CNTNAP2: variants seen among roughly 807,000 people sequenced by gnomAD.
CNTNAP2 encodes contactin-associated protein-like 2.
In CNTNAP2, 98 loss-of-function variants were observed where a neutral mutation model predicts 155.2. The ratio of observed to expected loss-of-function variants is 0.63; its 90% confidence interval spans 0.54 to 0.75. The LOEUF is 0.75. Ranked by LOEUF, CNTNAP2 falls within the 30% of genes least tolerant of loss-of-function variation. CNTNAP2 has a pLI of 0.00. For synonymous variants in CNTNAP2, 651 were observed against 631.2 expected (o/e 1.03, Z -0.47); for missense variants, 1,727 against 1,688.1 (o/e 1.02, Z -0.40).
chr7:146,886,911 AT>A (rs1413288007), intron 3 of CNTNAP2, among the ~76,000 whole-genome samples: 1 of 151,622 alleles, frequency 6.6e-6, no homozygotes, highest in Non-Finnish European at 1.5e-5. Flanking sequence ...CTTTTGCTAA[AT>A]TCCTGTAATT....
chr7:147,368,025 CCCT>C (rs1354201232), intron 9 of CNTNAP2, among the ~76,000 whole-genome samples: 131 of 117,020 alleles, frequency 1.1e-3, no homozygotes, highest in South Asian at 4.2e-3. Flanking sequence ...CCCCCCCTCC[CCCT>C]CCTCCTCTGT....
chr7:148,118,244 T>C lies in CNTNAP2; in HGVS notation c.2510T>C (p.Leu837Pro). The change falls in exon 16 of 24, where the codon CTT (leucine) becomes CCT (proline). Residue 837 changes from leucine to proline, a missense_variant. Leu to Pro is a moderately conservative substitution (Grantham distance 98). Coordinates refer to ENST00000361727, the MANE Select transcript of CNTNAP2 (RefSeq NM_014141.6). ...ACATTAACCCCCTGGGGAGTGTTTC[T>C]TGAAAATATGGGAAAGGAAGATTTC... is the stretch of plus-strand genomic sequence containing the variant. ...FKTLTPWGVF[L>P]ENMGKEDFIK... The C allele has an allele frequency of 6.2e-7, 1 of 1,614,182 alleles. No individual in the cohort carries two copies.
intron 1 of CNTNAP2, among the ~76,000 whole-genome samples, chr7:146,685,876 A>G (rs986395192): frequency 3.9e-5 from 6 of 152,226 alleles, no homozygotes; most frequent in Non-Finnish European, 8.8e-5. Flanking sequence ...AGAGGAAAAC[A>G]TTCAGTCTAT....
At chr7:146,131,841 T>G (rs952894153) in intron 1 of CNTNAP2, among the ~76,000 whole-genome samples, 1 of 152,158 alleles carries the variant, frequency 6.6e-6, no homozygotes, top group Non-Finnish European at 1.5e-5. Flanking sequence ...GAGCGCGGTT[T>G]CCCCCATGCT....
At chr7:147,699,950 T>A (rs1796211437) in intron 13 of CNTNAP2, among the ~76,000 whole-genome samples, 1 of 152,204 alleles carries the variant, frequency 6.6e-6, no homozygotes. Flanking sequence ...GCTTTTTATA[T>A]CTGGCTTCTT....
chr7:146,720,941 C>A (rs1233582878), intron 1 of CNTNAP2, among the ~76,000 whole-genome samples: 14 of 125,994 alleles, frequency 1.1e-4, no homozygotes, highest in African/African-American at 4.4e-4. Flanking sequence ...TATATACTTT[C>A]TCTATATATT....
intron 17 of CNTNAP2, among the ~76,000 whole-genome samples, chr7:148,155,992 A>G (rs1381740554): frequency 1.3e-5 from 2 of 152,166 alleles, no homozygotes; most frequent in Admixed American, 1.3e-4. Flanking sequence ...CCCCTTGTGG[A>G]GCACTCTCCC....
At chr7:146,791,324 T>C (rs1187187984) in intron 2 of CNTNAP2, among the ~76,000 whole-genome samples, 1 of 152,246 alleles carries the variant, frequency 6.6e-6, no homozygotes, top group Non-Finnish European at 1.5e-5. Context: ...CCACATTTTC[T>C]TTATCCAGTC....
chr7:148,014,544 T>G (rs190589692), intron 15 of CNTNAP2, among the ~76,000 whole-genome samples: 1 of 152,320 alleles, frequency 6.6e-6, no homozygotes, highest in East Asian at 1.9e-4. Flanking sequence ...ACTGATATAA[T>G]GGGCTGCTTT....
At chr7:148,295,418 T>C (rs918741700) in intron 21 of CNTNAP2, among the ~76,000 whole-genome samples, 2 of 152,152 alleles carry the variant, frequency 1.3e-5, no homozygotes, top group African/African-American at 4.8e-5. Flanking sequence ...ATTTTTCCTT[T>C]TAGACATTTT....
chr7:147,835,573 A>C (rs1039832971), intron 13 of CNTNAP2, among the ~76,000 whole-genome samples: 1 of 152,282 alleles, frequency 6.6e-6, no homozygotes. Context: ...CTCAAGTGTA[A>C]TCTAGTAATA....
chr7:147,685,362 G>C (rs1035358900), intron 13 of CNTNAP2, among the ~76,000 whole-genome samples: 7 of 151,828 alleles, frequency 4.6e-5, no homozygotes, highest in Admixed American at 4.6e-4. Context: ...TGATTGGAAG[G>C]GTTTCCAAGA....
At chr7:146,607,942 A>T (rs1563154735) in intron 1 of CNTNAP2, among the ~76,000 whole-genome samples, 1 of 152,146 alleles carries the variant, frequency 6.6e-6, no homozygotes, top group Non-Finnish European at 1.5e-5. Context: ...TACTTGCTTT[A>T]ATGGTATTTA....
At chr7:147,927,138 A>G (rs1192902512) in intron 14 of CNTNAP2, among the ~76,000 whole-genome samples, 2 of 152,190 alleles carry the variant, frequency 1.3e-5, no homozygotes, top group East Asian at 3.8e-4. Flanking sequence ...CATTTATTCT[A>G]TTTAGTTGTA....
At chr7:146,470,241 T>C (rs572473520) in intron 1 of CNTNAP2, among the ~76,000 whole-genome samples, 4 of 152,340 alleles carry the variant, frequency 2.6e-5, no homozygotes, top group Non-Finnish European at 4.4e-5. Context: ...TTTTTGAAAT[T>C]TATATACATG....
intron 1 of CNTNAP2, among the ~76,000 whole-genome samples, chr7:146,322,634 CTTTT>C (rs56287346): frequency 1.2e-4 from 8 of 64,958 alleles, no homozygotes; most frequent in East Asian, 6.3e-4. Flanking sequence ...TGTTCATTCT[CTTTT>C]TTTTTTTTTT....
At chr7:147,205,794 A>T (rs1803013663) in intron 8 of CNTNAP2, among the ~76,000 whole-genome samples, 1 of 152,136 alleles carries the variant, frequency 6.6e-6, no homozygotes, top group Non-Finnish European at 1.5e-5. Context: ...AGTCAAACAT[A>T]CAGTTAGAAG....
At chr7:147,149,856 C>T (rs897340540) in intron 8 of CNTNAP2, among the ~76,000 whole-genome samples, 1 of 151,998 alleles carries the variant, frequency 6.6e-6, no homozygotes, top group African/African-American at 2.4e-5. Flanking sequence ...TGATGATAGC[C>T]ATGTATATGA....
At chr7:146,495,641 A>G (rs889055305) in intron 1 of CNTNAP2, among the ~76,000 whole-genome samples, 2 of 151,748 alleles carry the variant, frequency 1.3e-5, no homozygotes, top group African/African-American at 4.9e-5. Context: ...TCAGGACGAG[A>G]ATAGCATAGG....
Sources: allele counts gnomAD v4.1 joint callset (sites outside exome capture counted in the v4.1 genomes callset), GRCh38; gene constraint gnomAD v4.1.1; transcripts MANE v1.5; gene names NCBI Gene and HGNC (gene_info 2026-07-23, HGNC 2026-07-21).